CLEC2A: variants seen among roughly 807,000 people sequenced by gnomAD.
CLEC2A encodes the protein keratinocyte-associated C-type lectin.
A neutral mutation model predicts 18.6 loss-of-function variants in CLEC2A; 19 were observed. The ratio of observed to expected loss-of-function variants is 1.02; its 90% CI spans 0.71 to 1.50. The LOEUF (loss-of-function observed/expected upper bound fraction) is 1.50. CLEC2A is among the 40% of genes most tolerant of loss of function. CLEC2A has a pLI of 0.00. For synonymous variants in CLEC2A, 74 were observed against 64.0 expected (o/e 1.16, Z -0.75); for missense variants, 190 against 207.9 (o/e 0.91, Z 0.53).
At chr12:9,906,521 C>T (rs1340925108) in intron 4 of CLEC2A, among the ~76,000 whole-genome samples, 5 of 152,164 alleles carry the variant, frequency 3.3e-5, no homozygotes, top group African/African-American at 7.2e-5. Flanking sequence ...AATAAGACCT[C>T]GTTCAGTCCA....
intron 3 of CLEC2A, among the ~76,000 whole-genome samples, chr12:9,920,509 G>A: frequency 6.6e-6 from 1 of 152,178 alleles, no homozygotes; most frequent in East Asian, 1.9e-4. Context: ...GAGTTCCCCT[G>A]GCTCCATGTC....
chr12:9,913,364 C>G lies in CLEC2A; in HGVS notation c.*202G>C, dbSNP rs1365780689. On this transcript the variant is annotated 3_prime_UTR_variant, in exon 5 of 5. Transcript: ENST00000455827. ...TGGAGCCATAGTAAATGTGATTGTG[C>G]CCTTATAAAAGGCTCCAGAGAACGG... is the stretch of plus-strand genomic sequence containing the variant. The G allele has an allele frequency of 1.2e-6, 1 of 801,006 alleles. No individual in the cohort carries two copies. The highest frequency in any genetic ancestry group is 1.8e-6 in the Non-Finnish European group (1 of 554,534). 49.6% of individuals were successfully genotyped at this position (801,006 alleles called of 1,614,324 possible).
chr12:9,893,122 C>A, the CLEC2A span: 1 of 1,535,634 alleles, frequency 6.5e-7, no homozygotes, highest in South Asian at 1.2e-5. Context: ...CGTGATTGTA[C>A]ACAGCTACAG....
At chr12:9,911,098 G>C (rs968139840), downstream of CLEC2A, among the ~76,000 whole-genome samples, 3 of 152,266 alleles carry the variant, frequency 2.0e-5, no homozygotes, top group Non-Finnish European at 4.4e-5. Context: ...CCATTGGCTG[G>C]AGTCAAGACC....
intron 4 of CLEC2A, among the ~76,000 whole-genome samples, chr12:9,913,981 T>C (rs532096847): frequency 2.0e-5 from 3 of 152,302 alleles, no homozygotes; most frequent in South Asian, 2.1e-4. Context: ...CTTCCTTCCT[T>C]CCTTGGTTCT....
intron 4 of CLEC2A, among the ~76,000 whole-genome samples, chr12:9,903,414 C>T (rs1305649717): frequency 2.0e-5 from 3 of 152,160 alleles, no homozygotes; most frequent in African/African-American, 7.2e-5. Context: ...GGACATAAGT[C>T]CTTCCCATCT....
chr12:9,913,765 T>C, intron 4 of CLEC2A, 85 bp from the exon 5 acceptor site: 1 of 858,306 alleles, frequency 1.2e-6, no homozygotes, highest in Non-Finnish European at 1.7e-6. Flanking sequence ...ATTTTAAATA[T>C]ATTATACCAA....
intron 1 of CLEC2A, among the ~76,000 whole-genome samples, chr12:9,932,043 G>A (rs940644230): frequency 2.6e-5 from 4 of 152,068 alleles, no homozygotes; most frequent in Non-Finnish European, 4.4e-5. Context: ...TATAATACAC[G>A]TACCATAAAA....
rs981415061 is a variant in CLEC2A, at chr12:9,932,270, C to T, written c.55+5G>A. The T allele has an allele frequency of 6.5e-7, 1 of 1,547,018 alleles. No homozygotes were observed. The highest frequency in any genetic ancestry group is 8.8e-7 in the Non-Finnish European group (1 of 1,142,650). On this transcript the variant is annotated splice_donor_5th_base_variant and intron_variant, in intron 1 of 4. Transcript: ENST00000455827. ...CTTCCTTCTCATTCACTCTATAAAA[C>T]TTACCTATCCGATGTATGAAGCCAT...
intron 4 of CLEC2A, among the ~76,000 whole-genome samples, chr12:9,907,092 T>C (rs1862917374): frequency 6.6e-6 from 1 of 152,214 alleles, no homozygotes; most frequent in South Asian, 2.1e-4. Flanking sequence ...GTTGCTGTGA[T>C]AGACTGAATG....
chr12:9,882,346 CT>C, the CLEC2A span, among the ~76,000 whole-genome samples: 2 of 152,202 alleles, frequency 1.3e-5, no homozygotes, highest in African/African-American at 4.8e-5. Flanking sequence ...CCTGCACCCC[CT>C]GCCCCCACAA....
At chr12:9,926,142 AGTGTCT>A in intron 2 of CLEC2A, 112 bp downstream of exon 2, 1 of 565,164 alleles carries the variant, frequency 1.8e-6, no homozygotes, top group South Asian at 2.8e-5. Flanking sequence ...TTTGAGGACA[AGTGTCT>A]ATAAAACCCT....
chr12:9,881,637 T>C, the CLEC2A span: 1 of 1,535,546 alleles, frequency 6.5e-7, no homozygotes, highest in Non-Finnish European at 8.7e-7. Flanking sequence ...GTTTCAAGAA[T>C]CGTTGTAAAT....
At chr12:9,916,848 G>T in intron 3 of CLEC2A, 45 bp from the exon 4 acceptor site, 1 of 1,142,454 alleles carries the variant, frequency 8.8e-7, no homozygotes, top group Non-Finnish European at 1.3e-6. Flanking sequence ...ATATGTTACA[G>T]CACATTGCTG....
At chr12:9,908,967 A>T (rs981923527), downstream of CLEC2A, among the ~76,000 whole-genome samples, 1 of 152,146 alleles carries the variant, frequency 6.6e-6, no homozygotes, top group South Asian at 2.1e-4. Context: ...TTTTCTTCGT[A>T]TCTTCTCACA....
chr12:9,899,140 C>A (rs1862791817), intron 4 of CLEC2A, among the ~76,000 whole-genome samples: 1 of 152,010 alleles, frequency 6.6e-6, no homozygotes, highest in Admixed American at 6.5e-5. Flanking sequence ...AAAAAATTAC[C>A]CTTTTGCAGG....
the CLEC2A span, among the ~76,000 whole-genome samples, chr12:9,878,109 A>G: frequency 5.7e-5 from 7 of 122,126 alleles, no homozygotes. Context: ...ACAGAACAAG[A>G]CCCTGTCTGA....
chr12:9,880,571 A>G, the CLEC2A span, among the ~76,000 whole-genome samples: 1 of 152,092 alleles, frequency 6.6e-6, no homozygotes, highest in African/African-American at 2.4e-5. Flanking sequence ...TATATATAAA[A>G]TAAGGAATGT....
chr12:9,918,338 C>T lies in CLEC2A; in HGVS notation c.307-1535G>A, dbSNP rs575552771. 2.6e-5 allele frequency among the ~76,000 whole-genome samples: 4 copies of T among 152,274 alleles called. No homozygotes were observed. The South Asian group carries it at 6.2e-4, about 24-fold the overall frequency. On this transcript the variant is annotated intron_variant, in intron 3 of 4. Coordinates refer to ENST00000455827, the MANE Select transcript of CLEC2A (RefSeq NM_001130711.2). ...ATATGGCTAGCCAGTTATTCCAGCACAATTGATTAAATATGGAGTTCTTTT... is the reference window on the plus strand; with the variant it reads ...ATATGGCTAGCCAGTTATTCCAGCATAATTGATTAAATATGGAGTTCTTTT...
Sources: allele counts gnomAD v4.1 joint callset (sites outside exome capture counted in the v4.1 genomes callset), GRCh38; gene constraint gnomAD v4.1.1; transcripts MANE v1.5; gene names NCBI Gene and HGNC (gene_info 2026-07-23, HGNC 2026-07-21).